CAMKMT: variants seen among roughly 807,000 people sequenced by gnomAD.
The protein encoded by CAMKMT is calmodulin-lysine N-methyltransferase.
Under a neutral mutation model 48.0 loss-of-function variants are expected in CAMKMT, and 53 were observed. The observed-to-expected ratio is 1.10, with a 90% CI of 0.89 to 1.39. The LOEUF (loss-of-function observed/expected upper bound fraction) is 1.39. Ranked by LOEUF, CAMKMT falls within the 40% of genes most tolerant of loss-of-function variation. CAMKMT has a pLI of 0.00. For synonymous variants in CAMKMT, 165 were observed against 152.3 expected (o/e 1.08, Z -0.61); for missense variants, 428 against 402.7 (o/e 1.06, Z -0.54).
intron 3 of CAMKMT, among the ~76,000 whole-genome samples, chr2:44,614,936 CTTTTTTTTTTT>C (rs3083440): frequency 2.0e-5 from 1 of 48,990 alleles, no homozygotes; most frequent in East Asian, 4.6e-4. Context: ...GGTCTCCTTG[CTTTTTTTTTTT>C]TTTTTTTTTT....
At position 44,547,950 on chromosome 2, in the gene CAMKMT, C is replaced by T. The variant is rs17032364; in HGVS notation, c.377-156333C>T. Among the ~76,000 whole-genome samples, 1,240 of 152,234 alleles carry T rather than the reference C, an allele frequency of 8.1e-3. 11 individuals carry two copies. Among genetic ancestry groups the T allele is most frequent in the African/African-American group, 0.023 (954 of 41,512 alleles). On this transcript the variant is annotated intron_variant, in intron 3 of 10. Transcript: ENST00000378494. ...CTGCAGTACTGTCTCTCATTGGCTG[C>T]TTGCCCATCAGAGGCACACTGATCA...
At chr2:44,768,202 A>G (rs1680928188) in intron 10 of CAMKMT, among the ~76,000 whole-genome samples, 1 of 151,956 alleles carries the variant, frequency 6.6e-6, no homozygotes, top group African/African-American at 2.4e-5. Context: ...TGAAAAGTCA[A>G]ATTCACAGTT....
chr2:44,532,974 G>A (rs576414491), intron 3 of CAMKMT, among the ~76,000 whole-genome samples: 5 of 150,356 alleles, frequency 3.3e-5, no homozygotes, highest in East Asian at 4.1e-4. Flanking sequence ...CACCACACCC[G>A]GCTAATTTTT....
chr2:44,457,489 C>T (rs939018890), intron 3 of CAMKMT, among the ~76,000 whole-genome samples: 13 of 151,804 alleles, frequency 8.6e-5, no homozygotes, highest in Non-Finnish European at 1.9e-4. Flanking sequence ...ACCTCCACCC[C>T]CCGGGTTCAA....
At chr2:44,689,324 A>T (rs1264375657) in intron 3 of CAMKMT, among the ~76,000 whole-genome samples, 3 of 141,976 alleles carry the variant, frequency 2.1e-5, no homozygotes, top group African/African-American at 5.3e-5. Context: ...AGACAGGGAG[A>T]GTCTCGCTCT....
intron 3 of CAMKMT, among the ~76,000 whole-genome samples, chr2:44,412,005 T>C (rs1255957570): frequency 2.8e-5 from 2 of 70,470 alleles, no homozygotes; most frequent in Non-Finnish European, 5.9e-5. Context: ...TTTTTTTTTT[T>C]TTTTTAGCAG....
intron 3 of CAMKMT, among the ~76,000 whole-genome samples, chr2:44,427,111 G>A (rs965380437): frequency 6.6e-6 from 1 of 152,164 alleles, no homozygotes; most frequent in African/African-American, 2.4e-5. Flanking sequence ...TTAACCATAT[G>A]CAGAAGAATG....
At chr2:44,527,655 T>G in intron 3 of CAMKMT, among the ~76,000 whole-genome samples, 1 of 151,770 alleles carries the variant, frequency 6.6e-6, no homozygotes, top group Non-Finnish European at 1.5e-5. Context: ...TGCAACATGT[T>G]CATGAGTGTT....
At chr2:44,495,647 A>T (rs112827742) in intron 3 of CAMKMT, among the ~76,000 whole-genome samples, 1 of 152,162 alleles carries the variant, frequency 6.6e-6, no homozygotes, top group Non-Finnish European at 1.5e-5. Flanking sequence ...AAGGATGTCA[A>T]TTGGAAGCAA....
chr2:44,512,735 A>G (rs1008786134), intron 3 of CAMKMT, among the ~76,000 whole-genome samples: 2 of 152,266 alleles, frequency 1.3e-5, no homozygotes, highest in African/African-American at 4.8e-5. Flanking sequence ...CATGATGTAT[A>G]GTCAACTTAC....
intron 1 of CAMKMT, chr2:44,369,911 C>G (rs991288933): frequency 3.9e-5 from 6 of 152,158 alleles, no homozygotes; most frequent in African/African-American, 1.2e-4. Context: ...CATGTTAGTG[C>G]ATCTGATTAG....
chr2:44,531,020 ATAAT>A (rs1666455649), intron 3 of CAMKMT, among the ~76,000 whole-genome samples: 1 of 152,018 alleles, frequency 6.6e-6, no homozygotes, highest in Non-Finnish European at 1.5e-5. Flanking sequence ...ATATGTATTA[ATAAT>A]TAATATGAGG....
chr2:44,650,501 T>A (rs1209082380), intron 3 of CAMKMT, among the ~76,000 whole-genome samples: 1 of 152,222 alleles, frequency 6.6e-6, no homozygotes, highest in East Asian at 1.9e-4. Context: ...AAATAAGAAA[T>A]GCTCTATTTC....
intron 3 of CAMKMT, among the ~76,000 whole-genome samples, chr2:44,652,304 G>A (rs896864151): frequency 6.6e-5 from 10 of 152,078 alleles, no homozygotes; most frequent in African/African-American, 1.7e-4. Context: ...CTTGCCCCTC[G>A]CTTCTCAGAG....
Position 44,427,336 on chromosome 2 carries a change from A to T in CAMKMT, c.376+37031A>T, listed in dbSNP as rs144969365. Among the ~76,000 whole-genome samples, 468 of 152,368 alleles carry T rather than the reference A, an allele frequency of 3.1e-3. 2 individuals carry two copies. The highest frequency in any genetic ancestry group is 6.8e-3 in the Middle Eastern group (2 of 294). ...TAATTAGACAAAAGAACTTCTGCAC[A>T]GCAAAATAAACTATCAACAGATTAA... On this transcript the variant is annotated intron_variant, in intron 3 of 10. Coordinates refer to ENST00000378494, the MANE Select transcript of CAMKMT (RefSeq NM_024766.5).
At chr2:44,614,984 C>T (rs1378601463) in intron 3 of CAMKMT, among the ~76,000 whole-genome samples, 2 of 106,910 alleles carry the variant, frequency 1.9e-5, no homozygotes, top group African/African-American at 4.0e-5. Context: ...GCTCTGTTGC[C>T]CAGGCTAGAG....
Position 44,600,459 on chromosome 2 carries a change from G to C in CAMKMT, c.377-103824G>C, listed in dbSNP as rs918693495. Among the ~76,000 whole-genome samples, 12 of 151,952 alleles carry C rather than the reference G, an allele frequency of 7.9e-5. No homozygotes were observed. In the South Asian group the frequency reaches 1.0e-3, roughly 13 times the overall value. ...TTTTTGTATTTTTGGTAGAGAGACAGGGTTTTGCCATGTTGCTAAGGCTGG... is the reference window on the plus strand; with the variant it reads ...TTTTTGTATTTTTGGTAGAGAGACACGGTTTTGCCATGTTGCTAAGGCTGG... On this transcript the variant is annotated intron_variant, in intron 3 of 10. Coordinates refer to ENST00000378494, the MANE Select transcript of CAMKMT (RefSeq NM_024766.5).
intron 3 of CAMKMT, among the ~76,000 whole-genome samples, chr2:44,446,543 G>C (rs1319489477): frequency 6.6e-6 from 1 of 151,094 alleles, no homozygotes; most frequent in African/African-American, 2.4e-5. Flanking sequence ...ACGGGGTTTT[G>C]CCATGTTGGC....
intron 6 of CAMKMT, among the ~76,000 whole-genome samples, chr2:44,714,019 G>A (rs760745412): frequency 2.4e-4 from 36 of 152,108 alleles, no homozygotes; most frequent in Non-Finnish European, 7.4e-5. Flanking sequence ...TATTCCAAAA[G>A]AGGGATTTTG....
Sources: allele counts gnomAD v4.1 joint callset (sites outside exome capture counted in the v4.1 genomes callset), GRCh38; gene constraint gnomAD v4.1.1; transcripts MANE v1.5; gene names NCBI Gene and HGNC (gene_info 2026-07-23, HGNC 2026-07-21).